The following SLC23A1 variants were observed in gnomAD, a reference collection of about 807,000 sequenced individuals.
SLC23A1 encodes the protein Na(+)/L-ascorbic acid transporter 1.
SLC23A1 carries 31 observed loss-of-function variants against 62.5 expected under a neutral mutation model. The ratio of observed to expected loss-of-function variants is 0.50; its 90% CI spans 0.37 to 0.67. The LOEUF (loss-of-function observed/expected upper bound fraction) is 0.67. Among genes scored for constraint, SLC23A1 ranks in the 30% least tolerant of loss-of-function variants. SLC23A1 has a pLI of 0.00. For synonymous variants in SLC23A1, 271 were observed against 313.2 expected (o/e 0.87, Z 1.42); for missense variants, 640 against 782.7 (o/e 0.82, Z 2.18).
intron 13 of SLC23A1, among the ~76,000 whole-genome samples, chr5:139,374,973 G>T (rs544457938): frequency 6.6e-6 from 1 of 152,132 alleles, no homozygotes; most frequent in Non-Finnish European, 1.5e-5. Flanking sequence ...CCCATCCATC[G>T]AAGGGACAGC....
intron 13 of SLC23A1, 56 bp from the exon 14 acceptor site, chr5:139,372,309 C>T: frequency 5.2e-6 from 8 of 1,544,180 alleles, no homozygotes; most frequent in South Asian, 2.3e-5. Context: ...GCCACCCCCA[C>T]TTCCCATAAC....
chr5:139,383,450 A>G (rs1033606997), upstream of SLC23A1: 5 of 1,217,938 alleles, frequency 4.1e-6, no homozygotes, highest in Non-Finnish European at 5.2e-6. Context: ...AAGCCACCCA[A>G]GCCTCTGCCA....
At chr5:139,380,141 A>C (rs1005562723) in intron 6 of SLC23A1, 65 bp from the exon 7 acceptor site, 6 of 1,565,388 alleles carry the variant, frequency 3.8e-6, no homozygotes, top group African/African-American at 1.4e-5. Context: ...GCCGGGAAGA[A>C]GGACCAAGGA....
At chr5:139,374,493 C>G (rs1282389122) in intron 13 of SLC23A1, among the ~76,000 whole-genome samples, 1 of 152,150 alleles carries the variant, frequency 6.6e-6, no homozygotes, top group Non-Finnish European at 1.5e-5. Flanking sequence ...CCATCCCCAG[C>G]AGGAAGTTAA....
chr5:139,377,858 A>G (rs1318624105), intron 12 of SLC23A1, 117 bp downstream of exon 12: 1 of 981,818 alleles, frequency 1.0e-6, no homozygotes, highest in South Asian at 1.6e-5. Context: ...CTGCTGGTTG[A>G]CACCCAGAGT....
chr5:139,377,272 C>G (rs1369584772), intron 13 of SLC23A1, 130 bp downstream of exon 13: 107 of 657,932 alleles, frequency 1.6e-4, no homozygotes, highest in South Asian at 6.9e-4. Flanking sequence ...ACCAGCCCAT[C>G]TATTCCTGAT....
chr5:139,380,234 A>C lies in SLC23A1; in HGVS notation c.621T>G (p.Ala207=), dbSNP rs2152071268. 6.4e-7 allele frequency: 1 copy of C among 1,562,792 alleles called. No homozygotes were observed. Among genetic ancestry groups the C allele is most frequent in the South Asian group, 1.2e-5 (1 of 85,276 alleles). Reference sequence around the variant, plus strand: ...AAGCTGAGATGCCCCAGTGGGAGCCAGCTCGGTCGCCAGCAGCTTGGAAGA... The same window carrying C: ...AAGCTGAGATGCCCCAGTGGGAGCCCGCTCGGTCGCCAGCAGCTTGGAAGA... ...LSVFQAAGDR[A]GSHWGISACS... is the part of the protein sequence containing the mutation. The change falls in exon 6 of 15, where the codon GCT becomes GCG. Residue 207 remains alanine (A), a synonymous_variant. Coordinates refer to ENST00000348729, the MANE Select transcript of SLC23A1 (RefSeq NM_005847.5).
chr5:139,377,824 G>T, intron 12 of SLC23A1, 151 bp downstream of exon 12: 2 of 709,126 alleles, frequency 2.8e-6, no homozygotes, highest in Non-Finnish European at 4.7e-6. Flanking sequence ...CTTAGTAAAG[G>T]ACAGCTGTGA....
upstream of SLC23A1, among the ~76,000 whole-genome samples, chr5:139,383,528 C>T (rs1758391968): frequency 1.3e-5 from 2 of 152,150 alleles, no homozygotes; most frequent in African/African-American, 4.8e-5. Flanking sequence ...AAGAGAGGGC[C>T]AGAGTCGAGG....
At position 139,379,158 on chromosome 5, in the gene SLC23A1, C is replaced by A. The variant is rs1448270872; in HGVS notation, c.1073+49G>T. 1.9e-6 allele frequency: 3 copies of A among 1,598,574 alleles called. No homozygotes were observed. In the South Asian group the frequency reaches 3.3e-5, roughly 18 times the overall value. ...TCCACCCCGTTCCTGTGTGTGCTTC[C>A]TGGGTGGCGCCTGAGGAGATCAGAT... On this transcript the variant is annotated intron_variant, in intron 9 of 14. Coordinates refer to ENST00000348729, the MANE Select transcript of SLC23A1 (RefSeq NM_005847.5). This position sits in a 1 kb window ranked among gnomAD's most constrained non-coding sequence, Gnocchi z 4.7.
chr5:139,380,788 G>A lies in SLC23A1; in HGVS notation c.397+10C>T. The A allele has an allele frequency of 1.3e-6, 2 of 1,554,152 alleles. No homozygotes were observed. Among genetic ancestry groups the A allele is most frequent in the Non-Finnish European group, 1.8e-6 (2 of 1,140,124 alleles). On this transcript the variant is annotated intron_variant, in intron 4 of 14. Coordinates refer to ENST00000348729, the MANE Select transcript of SLC23A1 (RefSeq NM_005847.5). ...CTTTTCCCCAGTGCAGACCCCAGAA[G>A]TGTACCCACCTTCCGGGGGGCATTT...
At chr5:139,368,542 A>G (rs533729210) in intron 14 of SLC23A1, among the ~76,000 whole-genome samples, 1 of 151,956 alleles carries the variant, frequency 6.6e-6, no homozygotes, top group East Asian at 1.9e-4. Context: ...AAAAGAAAAG[A>G]AAAAGTTGAT....
chr5:139,384,664 T>C, upstream of SLC23A1: 1 of 1,211,248 alleles, frequency 8.3e-7, no homozygotes. Context: ...CCATGGACAC[T>C]CAATTCAACC....
intron 14 of SLC23A1, chr5:139,369,561 T>C (rs959942041): frequency 1.3e-5 from 2 of 152,652 alleles, no homozygotes; most frequent in South Asian, 4.1e-4. Context: ...AGCACAACTT[T>C]TAACAAAGCT....
chr5:139,377,944 G>C (rs1347248216), intron 12 of SLC23A1, 31 bp downstream of exon 12: 3 of 1,607,070 alleles, frequency 1.9e-6, no homozygotes, highest in Admixed American at 1.7e-5. Flanking sequence ...GGCCCACCCC[G>C]CCTTTGGAGA....
chr5:139,368,627 CTTTT>C (rs1426927836), intron 14 of SLC23A1: 4 of 771,112 alleles, frequency 5.2e-6, no homozygotes, highest in Admixed American at 2.3e-5. Flanking sequence ...AGACTGAGTT[CTTTT>C]GTCTTTTTTT....
Position 139,379,729 on chromosome 5 carries a change from C to T in SLC23A1, c.874G>A (p.Ala292Thr), listed in dbSNP as rs777295504. 1.9e-6 allele frequency: 3 copies of T among 1,613,828 alleles called. No homozygotes were observed. The African/African-American group carries it at 4.0e-5, about 22-fold the overall frequency. The change falls in exon 8 of 15, where the codon GCC becomes ACC. Residue 292 changes from alanine to threonine, a missense_variant. By Grantham distance (58) the Ala-to-Thr change is moderately conservative. Coordinates refer to ENST00000348729, the MANE Select transcript of SLC23A1 (RefSeq NM_005847.5). The surrounding 1 kb of genome is among the most constrained non-coding windows in gnomAD (Gnocchi z 4.7). Reference protein sequence around the residue: ...KAYGFQARTDARGDIMAIAPW... With the variant: ...KAYGFQARTDTRGDIMAIAPW... Reference sequence around the variant, plus strand: ...GCAATAGCCATGATGTCACCACGGGCATCGGTTCGTGCCTGGAAGCCATAG... The same window carrying T: ...GCAATAGCCATGATGTCACCACGGGTATCGGTTCGTGCCTGGAAGCCATAG...
rs569868382 is a variant in SLC23A1, at chr5:139,371,581, C to A, written c.*19+406G>T. ...TGTATATGAGAGGATTTTTCCTGTTCTTGTGCTGCATTTCTCAACATTTTC... is the reference window on the plus strand; with the variant it reads ...TGTATATGAGAGGATTTTTCCTGTTATTGTGCTGCATTTCTCAACATTTTC... On this transcript the variant is annotated intron_variant, in intron 14 of 14. Transcript: ENST00000348729. Among the ~76,000 whole-genome samples, 20 of 152,308 alleles carry A rather than the reference C, an allele frequency of 1.3e-4. No homozygotes were observed. In the East Asian group the frequency reaches 1.5e-3, roughly 12 times the overall value.
intron 13 of SLC23A1, 71 bp downstream of exon 13, chr5:139,377,331 C>T: frequency 1.2e-6 from 1 of 855,050 alleles, no homozygotes; most frequent in Non-Finnish European, 2.0e-6. Context: ...ACAGCTCCAG[C>T]TCAGAGGCCA....
Sources: gnomAD v4.1 joint callset for allele counts (sites outside exome capture counted in the v4.1 genomes callset) on GRCh38, gnomAD v4.1.1 for gene constraint, Gnocchi (gnomAD v3.1) non-coding constraint, MANE v1.5 for transcripts, NCBI Gene and HGNC (gene_info 2026-07-23, HGNC 2026-07-21) for gene names.